Variants in CNTNAP5 observed in about 807,000 individuals in gnomAD.
CNTNAP5 encodes the protein contactin-associated protein-like 5.
In CNTNAP5, 72 loss-of-function variants were observed where a neutral mutation model predicts 150.2. That is an observed-to-expected ratio of 0.48 (90% CI 0.40 to 0.58). The LOEUF (loss-of-function observed/expected upper bound fraction) is 0.58. CNTNAP5 is among the 20% of genes least tolerant of loss of function. The pLI is 0.00. For synonymous variants in CNTNAP5, 672 were observed against 619.8 expected, an observed-to-expected ratio of 1.08 and a Z score of -1.25; for missense variants, 1,636 against 1,626.2, an observed-to-expected ratio of 1.01 and a Z score of -0.10.
chr2:124,814,133 C>T (rs1412228507), intron 19 of CNTNAP5, among the ~76,000 whole-genome samples: 1 of 151,832 alleles, frequency 6.6e-6, no homozygotes, highest in Non-Finnish European at 1.5e-5. Context: ...ATGATTCTTA[C>T]ACCCCACTAT....
At chr2:124,474,487 G>A (rs1168891928) in intron 6 of CNTNAP5, among the ~76,000 whole-genome samples, 2 of 151,752 alleles carry the variant, frequency 1.3e-5, no homozygotes, top group African/African-American at 4.8e-5. Context: ...GTTTTATTTA[G>A]TATTAAAAAG....
At chr2:124,060,051 G>A (rs963727928) in intron 1 of CNTNAP5, among the ~76,000 whole-genome samples, 3 of 152,098 alleles carry the variant, frequency 2.0e-5, no homozygotes, top group Non-Finnish European at 4.4e-5. Flanking sequence ...TCTCTAGTTG[G>A]CTGGTGTCCA....
In CNTNAP5 at chr2:124,634,919, G is replaced by A. The variant is rs72974543; in HGVS notation, c.1877-12839G>A. On this transcript the variant is annotated intron_variant, in intron 12 of 23. Transcript: ENST00000682447. ...TCTCTAGGAAGTTCCAAACTTTCCT[G>A]CACCTTCCTGTAGTCTTCTGAGCCC... 3.4e-3 allele frequency among the ~76,000 whole-genome samples: 517 copies of A among 152,222 alleles called. 3 individuals carry two copies. The highest frequency in any genetic ancestry group is 0.012 in the African/African-American group (492 of 41,526).
chr2:124,410,994 A>T (rs1288693493), intron 3 of CNTNAP5, among the ~76,000 whole-genome samples: 1 of 152,182 alleles, frequency 6.6e-6, no homozygotes, highest in African/African-American at 2.4e-5. Flanking sequence ...AGGACTAATA[A>T]AGAAAAAAAG....
intron 3 of CNTNAP5, among the ~76,000 whole-genome samples, chr2:124,391,432 C>G (rs973531601): frequency 6.6e-6 from 1 of 152,160 alleles, no homozygotes. Flanking sequence ...GTTCATATCA[C>G]TTTTTACCTG....
intron 8 of CNTNAP5, among the ~76,000 whole-genome samples, chr2:124,514,604 A>C (rs140162405): frequency 3.3e-5 from 5 of 152,294 alleles, no homozygotes; most frequent in African/African-American, 9.6e-5. Flanking sequence ...AAGAGACAGT[A>C]AAGAGGCATT....
chr2:124,350,495 C>A (rs1347632587), intron 3 of CNTNAP5, among the ~76,000 whole-genome samples: 2 of 150,546 alleles, frequency 1.3e-5, no homozygotes, highest in East Asian at 1.9e-4. Flanking sequence ...TCAGTTCTTA[C>A]GCCTTCACAT....
At chr2:124,401,688 T>C (rs184621864) in intron 3 of CNTNAP5, among the ~76,000 whole-genome samples, 11 of 152,342 alleles carry the variant, frequency 7.2e-5, no homozygotes, top group African/African-American at 2.6e-4. Flanking sequence ...ACTTACGTTA[T>C]TGATGGAGGA....
chr2:124,161,379 A>T (rs1425392663), intron 1 of CNTNAP5, among the ~76,000 whole-genome samples: 2 of 152,076 alleles, frequency 1.3e-5, no homozygotes, highest in African/African-American at 4.8e-5. Flanking sequence ...TTGGATTTGG[A>T]GAAAATAAAC....
At chr2:124,349,874 C>CTTCTTT (rs1689831047) in intron 3 of CNTNAP5, among the ~76,000 whole-genome samples, 1 of 81,840 alleles carries the variant, frequency 1.2e-5, no homozygotes, top group East Asian at 4.1e-4. Context: ...CTGGCTATTT[C>CTTCTTT]TTTTTTTTTT....
chr2:124,794,517 T>C (rs994898375), intron 18 of CNTNAP5, among the ~76,000 whole-genome samples: 8 of 152,252 alleles, frequency 5.3e-5, no homozygotes, highest in African/African-American at 1.7e-4. Context: ...TTGATTATTT[T>C]CTTAATAACA....
intron 2 of CNTNAP5, among the ~76,000 whole-genome samples, chr2:124,239,439 T>G (rs1187076853): frequency 1.3e-5 from 2 of 152,140 alleles, no homozygotes; most frequent in East Asian, 3.9e-4. Flanking sequence ...ATAATGATGG[T>G]CACAGAAACA....
intron 3 of CNTNAP5, among the ~76,000 whole-genome samples, chr2:124,339,692 T>A (rs780550259): frequency 6.6e-6 from 1 of 152,174 alleles, no homozygotes; most frequent in African/African-American, 2.4e-5. Context: ...AAGAGTTTAA[T>A]TGATGTGCGG....
intron 3 of CNTNAP5, among the ~76,000 whole-genome samples, chr2:124,289,716 C>A (rs1036138101): frequency 6.6e-6 from 1 of 152,082 alleles, no homozygotes; most frequent in Non-Finnish European, 1.5e-5. Flanking sequence ...CTGAAGAAAC[C>A]GAGAGCTGGA....
At chr2:124,570,227 A>G (rs117296393) in intron 11 of CNTNAP5, among the ~76,000 whole-genome samples, 5 of 152,236 alleles carry the variant, frequency 3.3e-5, no homozygotes, top group Admixed American at 6.5e-5. Context: ...AACAATGTCA[A>G]GTTACTGTAG....
chr2:124,129,870 G>T (rs1252702080), intron 1 of CNTNAP5, among the ~76,000 whole-genome samples: 1 of 152,122 alleles, frequency 6.6e-6, no homozygotes, highest in Non-Finnish European at 1.5e-5. Flanking sequence ...GACCTGTGTT[G>T]CATTCTAAAA....
intron 8 of CNTNAP5, among the ~76,000 whole-genome samples, chr2:124,511,120 G>C (rs13034228): frequency 0.25 from 38,139 of 152,040 alleles, 5,104 homozygotes; most frequent in South Asian, 0.45. Flanking sequence ...GCTTAGAATG[G>C]AGTTTAGTAT....
chr2:124,807,611 G>A (rs1490304576), intron 19 of CNTNAP5, among the ~76,000 whole-genome samples: 2 of 152,168 alleles, frequency 1.3e-5, no homozygotes, highest in Admixed American at 6.5e-5. Context: ...CACAGCAAGG[G>A]ATCAGTGGGG....
chr2:124,569,945 C>A (rs1573466232), intron 11 of CNTNAP5, among the ~76,000 whole-genome samples: 1 of 152,242 alleles, frequency 6.6e-6, no homozygotes, highest in East Asian at 1.9e-4. Context: ...GACTATAAAC[C>A]TATTTAGGTG....
Sources: allele counts gnomAD v4.1 joint callset (sites outside exome capture counted in the v4.1 genomes callset), GRCh38; gene constraint gnomAD v4.1.1; transcripts MANE v1.5; gene names NCBI Gene and HGNC (gene_info 2026-07-23, HGNC 2026-07-21).